The following SEMA5A variants were observed in gnomAD, a reference collection of about 807,000 sequenced individuals.
The protein encoded by SEMA5A is semaphorin-5A.
In SEMA5A, 55 loss-of-function variants were observed where a neutral mutation model predicts 135.5. The ratio of observed to expected loss-of-function variants is 0.41; its 90% CI spans 0.33 to 0.51. SEMA5A has a LOEUF of 0.51. Among genes scored for constraint, SEMA5A ranks in the 20% least tolerant of loss-of-function variants. The pLI, the probability that SEMA5A is intolerant of heterozygous loss-of-function variation, is 0.37. For missense variants in SEMA5A, 1,290 were observed against 1,419.9 expected, an observed-to-expected ratio of 0.91 and a Z score of 1.47; for synonymous variants, 580 against 546.5, an observed-to-expected ratio of 1.06 and a Z score of -0.85.
chr5:9,423,845 G>A (rs1341670401), intron 2 of SEMA5A, among the ~76,000 whole-genome samples: 1 of 152,174 alleles, frequency 6.6e-6, no homozygotes, highest in Non-Finnish European at 1.5e-5. Flanking sequence ...AATGTTCACA[G>A]AGATTCAATG....
chr5:9,256,941 A>G (rs1805948), intron 5 of SEMA5A, among the ~76,000 whole-genome samples: 62,706 of 152,150 alleles, frequency 0.41, 13,006 homozygotes, highest in South Asian at 0.45. Context: ...TTGCATATCT[A>G]TGTGATGTGA....
chr5:9,138,664 T>G (rs2072840034), intron 12 of SEMA5A, among the ~76,000 whole-genome samples: 1 of 152,198 alleles, frequency 6.6e-6, no homozygotes. Context: ...TGAGTACTTT[T>G]GTGGTGATTT....
rs118006401 is a variant in SEMA5A, at chr5:9,423,970, G to A, written c.-78+13786C>T. Among the ~76,000 whole-genome samples, 123 of 152,276 alleles carry A rather than the reference G, an allele frequency of 8.1e-4. 3 individuals carry two copies. The East Asian group carries it at 0.018, about 23-fold the overall frequency. ...ACTTTTCCCTAGCCCAAGGTCTCTG[G>A]GGAAAAATTATAACAATTAAAAGTG... On this transcript the variant is annotated intron_variant, in intron 2 of 22. Coordinates refer to ENST00000382496, the MANE Select transcript of SEMA5A (RefSeq NM_003966.3).
intron 1 of SEMA5A, among the ~76,000 whole-genome samples, chr5:9,468,645 C>T (rs1180579345): frequency 8.9e-6 from 1 of 112,652 alleles, no homozygotes; most frequent in Non-Finnish European, 1.9e-5. Flanking sequence ...TTCTTCAAAT[C>T]CTTGAATACC....
chr5:9,313,923 G>A (rs1437651577), intron 5 of SEMA5A, among the ~76,000 whole-genome samples: 1 of 152,140 alleles, frequency 6.6e-6, no homozygotes, highest in Non-Finnish European at 1.5e-5. Flanking sequence ...GTGATCAGGA[G>A]AGTCACAGGT....
At chr5:9,461,252 T>C (rs1759046441) in intron 1 of SEMA5A, among the ~76,000 whole-genome samples, 1 of 152,214 alleles carries the variant, frequency 6.6e-6, no homozygotes, top group Non-Finnish European at 1.5e-5. Flanking sequence ...TATTTCAGAT[T>C]TGGTTTTGTT....
intron 13 of SEMA5A, among the ~76,000 whole-genome samples, chr5:9,125,149 G>A (rs746332895): frequency 1.6e-4 from 25 of 152,024 alleles, no homozygotes; most frequent in South Asian, 4.1e-4. Context: ...TGACATGACC[G>A]GTTGGCCAAA....
At chr5:9,191,282 G>C (rs1279416563) in intron 10 of SEMA5A, among the ~76,000 whole-genome samples, 2 of 152,178 alleles carry the variant, frequency 1.3e-5, no homozygotes, top group African/African-American at 4.8e-5. Context: ...ACAATGCTGG[G>C]AAATAAATTC....
At chr5:9,302,834 G>A (rs1220231890) in intron 5 of SEMA5A, among the ~76,000 whole-genome samples, 1 of 152,124 alleles carries the variant, frequency 6.6e-6, no homozygotes, top group Non-Finnish European at 1.5e-5. Context: ...AGAAAAAGAG[G>A]CCGCTTGACA....
At chr5:9,254,832 A>G (rs1333097096) in intron 5 of SEMA5A, among the ~76,000 whole-genome samples, 1 of 152,190 alleles carries the variant, frequency 6.6e-6, no homozygotes, top group Non-Finnish European at 1.5e-5. Flanking sequence ...AAAAAGGGAT[A>G]GAATGTATGT....
chr5:9,113,288 A>G (rs542545490), intron 15 of SEMA5A, among the ~76,000 whole-genome samples: 22 of 152,210 alleles, frequency 1.4e-4, no homozygotes, highest in Non-Finnish European at 2.8e-4. Flanking sequence ...TGGCTTTGAG[A>G]CCACGGAATG....
chr5:9,481,580 T>G (rs1759877600), intron 1 of SEMA5A, among the ~76,000 whole-genome samples: 1 of 152,222 alleles, frequency 6.6e-6, no homozygotes, highest in Non-Finnish European at 1.5e-5. Flanking sequence ...GTTAGAGATT[T>G]TCTTTTTCCT....
At chr5:9,155,260 T>C (rs1051613446) in intron 11 of SEMA5A, among the ~76,000 whole-genome samples, 1 of 152,156 alleles carries the variant, frequency 6.6e-6, no homozygotes, top group Non-Finnish European at 1.5e-5. Flanking sequence ...GGGATGATTT[T>C]CTTGGGCTCA....
At position 9,039,411 on chromosome 5, in the gene SEMA5A, C is replaced by T. The variant is rs1246554150; in HGVS notation, c.*3486G>A. On this transcript the variant is annotated 3_prime_UTR_variant, in exon 23 of 23. Transcript: ENST00000382496. ...AACCACATGACATGAACGGACTCTT[C>T]CTAGGGACAGAGGTTTCTCCCCAGC... The T allele has an allele frequency of 6.6e-6, 1 of 152,278 alleles. No individual in the cohort carries two copies. The highest frequency in any genetic ancestry group is 1.9e-4 in the East Asian group (1 of 5,192). 9.4% of individuals were successfully genotyped at this position (152,278 alleles called of 1,614,324 possible). A position where few individuals can be genotyped will look rare whatever the true frequency, so the allele number is the denominator to read the frequency against.
chr5:9,074,131 T>C (rs1737917167), intron 16 of SEMA5A, among the ~76,000 whole-genome samples: 1 of 152,176 alleles, frequency 6.6e-6, no homozygotes, highest in African/African-American at 2.4e-5. Context: ...TTCTGTGGTA[T>C]AAGCATCAAG....
chr5:9,073,427 A>C (rs1193604684), intron 16 of SEMA5A, among the ~76,000 whole-genome samples: 1 of 152,162 alleles, frequency 6.6e-6, no homozygotes, highest in Non-Finnish European at 1.5e-5. Flanking sequence ...AAGAACTCTC[A>C]ATCAACTTGG....
chr5:9,285,546 A>G (rs1223816887), intron 5 of SEMA5A, among the ~76,000 whole-genome samples: 1 of 151,906 alleles, frequency 6.6e-6, no homozygotes, highest in Non-Finnish European at 1.5e-5. Context: ...CATTAAAACT[A>G]TCAGTCAAAA....
intron 1 of SEMA5A, among the ~76,000 whole-genome samples, chr5:9,496,632 G>A (rs1735317007): frequency 1.3e-5 from 2 of 152,194 alleles, no homozygotes; most frequent in African/African-American, 4.8e-5. Flanking sequence ...CTGGGATGTG[G>A]CAGGGTCAAA....
At chr5:9,175,185 C>T (rs1744137948) in intron 11 of SEMA5A, among the ~76,000 whole-genome samples, 1 of 151,960 alleles carries the variant, frequency 6.6e-6, no homozygotes, top group Non-Finnish European at 1.5e-5. Context: ...CATCCAGATC[C>T]CGTGTGTTCA....
Sources: allele counts gnomAD v4.1 joint callset (sites outside exome capture counted in the v4.1 genomes callset), GRCh38; gene constraint gnomAD v4.1.1; transcripts MANE v1.5; gene names NCBI Gene and HGNC (gene_info 2026-07-23, HGNC 2026-07-21).